The following NAA25 variants were observed in gnomAD, a reference collection of about 807,000 sequenced individuals.
NAA25 encodes N-alpha-acetyltransferase 25, NatB auxiliary subunit.
A neutral mutation model predicts 132.5 loss-of-function variants in NAA25; 30 were observed. The ratio of observed to expected loss-of-function variants is 0.23; its 90% CI spans 0.17 to 0.31. The LOEUF (loss-of-function observed/expected upper bound fraction) is 0.31. Among genes scored for constraint, NAA25 ranks in the 10% least tolerant of loss-of-function variants. NAA25 has a pLI of 1.00. For synonymous variants in NAA25, 359 were observed against 401.9 expected (o/e 0.89, Z 1.28); for missense variants, 771 against 1,150.4 (o/e 0.67, Z 4.77).
intron 1 of NAA25, among the ~76,000 whole-genome samples, chr12:112,098,868 T>G (rs1219031849): frequency 6.6e-6 from 1 of 152,138 alleles, no homozygotes; most frequent in African/African-American, 2.4e-5. Flanking sequence ...ACTGGGATTG[T>G]GCTAAGATTA....
chr12:112,053,780 A>G (rs1307794072), intron 14 of NAA25, 123 bp from the exon 15 acceptor site: 10 of 553,014 alleles, frequency 1.8e-5, no homozygotes, highest in Non-Finnish European at 3.3e-5. Flanking sequence ...AAACACTAAA[A>G]CATACTCCCA....
At chr12:112,033,504 G>A (rs1167330816) in intron 22 of NAA25, 125 bp from the exon 23 acceptor site, 22 of 779,010 alleles carry the variant, frequency 2.8e-5, no homozygotes, top group Non-Finnish European at 2.9e-5. Context: ...GGTTTCAAGT[G>A]AATGAATGGT....
In NAA25 at chr12:112,087,751, T is replaced by C; in HGVS notation, c.334A>G (p.Ser112Gly). The part of the protein sequence containing the change: ...YEAAVKKVPN[S>G]EEYHSHLFMA... ...AAGAGGTGAGAGTGATACTCCTCAC[T>C]ATTGGGAACTTTCTTCACAGCTGCC... is the stretch of plus-strand genomic sequence containing the variant. The change falls in exon 4 of 24, where the codon AGT becomes GGT. Residue 112 changes from serine (S) to glycine (G), a missense_variant. By Grantham distance (56) the Ser-to-Gly change is moderately conservative. Coordinates refer to ENST00000261745, the MANE Select transcript of NAA25 (RefSeq NM_024953.4). 6.2e-7 allele frequency: 1 copy of C among 1,614,142 alleles called. No homozygotes were observed. Among genetic ancestry groups the C allele is most frequent in the Non-Finnish European group, 8.5e-7 (1 of 1,179,988 alleles).
intron 2 of NAA25, among the ~76,000 whole-genome samples, 168 bp from the exon 3 acceptor site, chr12:112,091,032 C>G (rs12311317): frequency 0.015 from 2,252 of 152,074 alleles, 64 homozygotes; most frequent in African/African-American, 0.05. Context: ...CTTTGGGAGG[C>G]CAAGACAGGC....
intron 4 of NAA25, among the ~76,000 whole-genome samples, chr12:112,083,160 AG>A (rs2078996753): frequency 6.6e-6 from 1 of 152,188 alleles, no homozygotes; most frequent in Non-Finnish European, 1.5e-5. Context: ...AGGATGGGGT[AG>A]ATCAAATAGA....
intron 23 of NAA25, 73 bp downstream of exon 23, chr12:112,033,160 A>G (rs112077208): frequency 7.0e-7 from 1 of 1,437,138 alleles, no homozygotes; most frequent in African/African-American, 1.4e-5. Context: ...TGTCCTTGTG[A>G]TAAAGATGAG....
intron 22 of NAA25, among the ~76,000 whole-genome samples, chr12:112,037,157 A>G (rs1405124423): frequency 6.6e-6 from 1 of 151,792 alleles, no homozygotes; most frequent in African/African-American, 2.4e-5. Flanking sequence ...TAAAGGAGCT[A>G]GCCAAATTTG....
chr12:112,062,552 C>A (rs2078649932), intron 11 of NAA25, among the ~76,000 whole-genome samples: 1 of 151,916 alleles, frequency 6.6e-6, no homozygotes, highest in Non-Finnish European at 1.5e-5. Flanking sequence ...CAGTGAAACC[C>A]TGTCTCTACT....
chr12:112,043,855 C>A lies in NAA25; in HGVS notation c.2020G>T (p.Glu674Ter). ...TCCTCTAAGGAAAGTTTCTTATGTT[C>A]TTCAGAAACGTCCCTTAAACAGAAA... Reference protein sequence around the residue: ...WDPKDRDVSEEHKKLSLEEET... With the variant: ...WDPKDRDVSE The change falls in exon 18 of 24, where the codon GAA (glutamate) becomes TAA (stop). Residue 674 changes from glutamate to a stop codon, truncating the protein, a stop_gained. Coordinates refer to ENST00000261745, the MANE Select transcript of NAA25 (RefSeq NM_024953.4). LOFTEE classifies it high-confidence loss of function. 1 of 1,612,598 alleles carries A rather than the reference C, an allele frequency of 6.2e-7. No homozygotes were observed. Among genetic ancestry groups the A allele is most frequent in the South Asian group, 1.1e-5 (1 of 91,030 alleles).
intron 20 of NAA25, 62 bp downstream of exon 20, chr12:112,041,977 A>G: frequency 1.0e-6 from 1 of 996,470 alleles, no homozygotes; most frequent in Non-Finnish European, 1.5e-6. Flanking sequence ...AGGGGAAAGA[A>G]CTTCGAAGCT....
chr12:112,049,841 T>C lies in NAA25; in HGVS notation c.1729-1398A>G, dbSNP rs141082895. 7.2e-5 allele frequency among the ~76,000 whole-genome samples: 11 copies of C among 152,150 alleles called. No individual in the cohort carries two copies. The East Asian group carries it at 1.9e-3, about 27-fold the overall frequency. On this transcript the variant is annotated intron_variant, in intron 15 of 23. Coordinates refer to ENST00000261745, the MANE Select transcript of NAA25 (RefSeq NM_024953.4). The surrounding 1 kb of genome is among the most constrained non-coding windows in gnomAD (Gnocchi z 4.7). ...GGTTTACTACTATTAGCCCTTGTAA[T>C]AGGAACTTACAGCTGGGGAAAAAAA...
intron 5 of NAA25, among the ~76,000 whole-genome samples, chr12:112,080,197 C>A (rs1368322234): frequency 6.9e-6 from 1 of 144,086 alleles, no homozygotes; most frequent in Non-Finnish European, 1.5e-5. Flanking sequence ...AGGAGAATGG[C>A]GTAAACCTGG....
intron 1 of NAA25, among the ~76,000 whole-genome samples, chr12:112,102,968 G>A (rs932657592): frequency 3.3e-5 from 5 of 151,336 alleles, no homozygotes; most frequent in Non-Finnish European, 7.4e-5. Flanking sequence ...GATTACAGGC[G>A]TGAGCCACTG....
intron 4 of NAA25, among the ~76,000 whole-genome samples, chr12:112,085,367 G>A (rs928648497): frequency 6.6e-6 from 1 of 152,170 alleles, no homozygotes; most frequent in Non-Finnish European, 1.5e-5. Context: ...ACTCCAGCCT[G>A]GGTGACAGAG....
chr12:112,085,656 A>T (rs2079035419), intron 4 of NAA25, among the ~76,000 whole-genome samples: 1 of 152,156 alleles, frequency 6.6e-6, no homozygotes, highest in Non-Finnish European at 1.5e-5. Context: ...CTTAAAACAT[A>T]ATCTTACAAA....
chr12:112,055,590 G>C (rs1002637056), intron 13 of NAA25, among the ~76,000 whole-genome samples: 2 of 152,016 alleles, frequency 1.3e-5, no homozygotes, highest in Non-Finnish European at 2.9e-5. Flanking sequence ...TATGGTTCCA[G>C]CTACTCAGGA....
intron 4 of NAA25, among the ~76,000 whole-genome samples, chr12:112,085,344 A>C (rs1020984183): frequency 6.6e-6 from 1 of 152,198 alleles, no homozygotes; most frequent in African/African-American, 2.4e-5. Context: ...GTAAGCTGAG[A>C]TCACGCCACA....
intron 11 of NAA25, among the ~76,000 whole-genome samples, chr12:112,067,822 G>A (rs764092501): frequency 6.6e-5 from 10 of 152,090 alleles, no homozygotes; most frequent in South Asian, 2.1e-4. Context: ...TGCAACCTCC[G>A]CCTTCTGGGA....
chr12:112,106,654 G>A (rs1476913951), intron 1 of NAA25, among the ~76,000 whole-genome samples: 18 of 152,154 alleles, frequency 1.2e-4, no homozygotes, highest in African/African-American at 4.3e-4. Context: ...TTCTAGCACA[G>A]TGGTTAAGAA....
Sources: gnomAD v4.1 joint callset for allele counts (sites outside exome capture counted in the v4.1 genomes callset) on GRCh38, gnomAD v4.1.1 for gene constraint, Gnocchi (gnomAD v3.1) non-coding constraint, MANE v1.5 for transcripts, NCBI Gene and HGNC (gene_info 2026-07-23, HGNC 2026-07-21) for gene names.